F3: variants seen among roughly 807,000 people sequenced by gnomAD.
F3 encodes the protein tissue factor.
In F3, 18 loss-of-function variants were observed where a neutral mutation model predicts 33.5. The ratio of observed to expected loss-of-function variants is 0.54; its 90% CI spans 0.37 to 0.80. F3 has a LOEUF of 0.80. Among genes scored for constraint, F3 ranks in the 30% least tolerant of loss-of-function variants. The pLI is 0.00. For synonymous variants in F3, 147 were observed against 140.7 expected (o/e 1.05, Z -0.32); for missense variants, 353 against 362.1 (o/e 0.97, Z 0.20).
At chr1:94,533,055 A>T in intron 4 of F3, 35 bp downstream of exon 4, 2 of 1,596,774 alleles carry the variant, frequency 1.3e-6, no homozygotes, top group Non-Finnish European at 1.7e-6. Context: ...TCACAATTTA[A>T]AACAGGTCAT....
chr1:94,540,630 G>A, intron 1 of F3: 1 of 386,452 alleles, frequency 2.6e-6, no homozygotes, highest in Non-Finnish European at 4.7e-6. Context: ...TTATTCATGG[G>A]CAAAGCCTTG....
Position 94,532,302 on chromosome 1 carries a change from G to C in F3, c.751+19C>G. The C allele has an allele frequency of 1.2e-6, 2 of 1,612,424 alleles. No homozygotes were observed. The highest frequency in any genetic ancestry group is 1.7e-6 in the Non-Finnish European group (2 of 1,179,186). ...ACAGCACCCATACCCCCAGGCAAAT[G>C]GCTGGCAGAGCCACTCACCTCTGAA... On this transcript the variant is annotated intron_variant, in intron 5 of 5. Coordinates refer to ENST00000334047, the MANE Select transcript of F3 (RefSeq NM_001993.5).
At position 94,540,294 on chromosome 1, in the gene F3, G is replaced by C; in HGVS notation, c.175C>G (p.Pro59Ala). Reference protein sequence around the residue: ...TNFKTILEWEPKPVNQVYTVQ... With the variant: ...TNFKTILEWEAKPVNQVYTVQ... ...GTGTAGACTTGATTGACGGGTTTGG[G>C]TTCCCACTCCAAAATTGTCTTGAAA... The change falls in exon 2 of 6, where the codon CCC (proline) becomes GCC (alanine). Residue 59 changes from proline to alanine, a missense_variant. Transcript: ENST00000334047. 6.2e-7 allele frequency: 1 copy of C among 1,613,758 alleles called. No individual in the cohort carries two copies. The highest frequency in any genetic ancestry group is 8.5e-7 in the Non-Finnish European group (1 of 1,179,782).
chr1:94,534,671 G>A (rs1349910805), intron 3 of F3, among the ~76,000 whole-genome samples: 1 of 152,090 alleles, frequency 6.6e-6, no homozygotes, highest in South Asian at 2.1e-4. Context: ...CGAGAAGCCG[G>A]ATTTAACCAC....
intron 2 of F3, 48 bp from the exon 3 acceptor site, chr1:94,536,212 G>T: frequency 6.4e-7 from 1 of 1,566,506 alleles, no homozygotes; most frequent in East Asian, 2.2e-5. Flanking sequence ...GTTACAATTT[G>T]CACCCAACAA....
chr1:94,541,628 G>T lies in F3; in HGVS notation c.9C>A (p.Thr3=), dbSNP rs770676494. ME[T]PAWPRVPRPE... ...GGCGCGGGACCCGGGGCCAGGCAGG[G>T]GTCTCCATGTCTACCAGTTGGCGGC... is the stretch of plus-strand genomic sequence containing the variant. The change falls in exon 1 of 6, where the codon ACC becomes ACA. Residue 3 remains threonine, a synonymous_variant. Transcript: ENST00000334047. 171 of 1,424,920 alleles carry T rather than the reference G, an allele frequency of 1.2e-4. No homozygotes were observed. The highest frequency in any genetic ancestry group is 1.5e-4 in the Non-Finnish European group (161 of 1,085,150). The allele number at this position is 1,424,920 out of a possible 1,614,324, so 88.3% of individuals were successfully genotyped here.
chr1:94,536,291 C>T, intron 2 of F3, 127 bp from the exon 3 acceptor site: 5 of 804,038 alleles, frequency 6.2e-6, no homozygotes, highest in Non-Finnish European at 1.0e-5. Context: ...CCTAATGATG[C>T]AGTCACTGTG....
chr1:94,530,362 T>C lies in F3; in HGVS notation c.*98A>G. The C allele has an allele frequency of 6.7e-7, 1 of 1,496,954 alleles. No homozygotes were observed. Among genetic ancestry groups the C allele is most frequent in the East Asian group, 2.3e-5 (1 of 43,930 alleles). The allele number at this position is 1,496,954 out of a possible 1,614,324, so 92.7% of individuals were successfully genotyped here. A position where few individuals can be genotyped will look rare whatever the true frequency, so the allele number is the denominator to read the frequency against. On this transcript the variant is annotated 3_prime_UTR_variant, in exon 6 of 6. Coordinates refer to ENST00000334047, the MANE Select transcript of F3 (RefSeq NM_001993.5). ...TTTTTGAACTCCAGGGTCTTCATGC[T>C]CCGAAATACTCATTTGCGTTTCCAT...
chr1:94,532,085 C>A (rs1651449085), intron 5 of F3, among the ~76,000 whole-genome samples: 1 of 152,214 alleles, frequency 6.6e-6, no homozygotes, highest in African/African-American at 2.4e-5. Context: ...AAGAAAACAC[C>A]TGCTAATACA....
intron 4 of F3, 195 bp downstream of exon 4, chr1:94,532,895 C>T: frequency 1.6e-6 from 1 of 614,390 alleles, no homozygotes; most frequent in Non-Finnish European, 2.8e-6. Context: ...TGCCCAGAGT[C>T]ACAGGGTAGT....
chr1:94,539,657 G>C (rs1651714811), intron 2 of F3, among the ~76,000 whole-genome samples: 1 of 152,138 alleles, frequency 6.6e-6, no homozygotes, highest in Admixed American at 6.5e-5. Context: ...CTGCCAGTCA[G>C]AGTTGAGGCA....
intron 2 of F3, among the ~76,000 whole-genome samples, chr1:94,537,008 A>C (rs1279996099): frequency 1.3e-5 from 2 of 152,182 alleles, no homozygotes; most frequent in East Asian, 1.9e-4. Context: ...AGAAGGTCAC[A>C]TATCTAACGA....
At chr1:94,535,904 T>C in intron 3 of F3, 61 bp downstream of exon 3, 1 of 1,495,566 alleles carries the variant, frequency 6.7e-7, no homozygotes, top group African/African-American at 1.4e-5. Context: ...AGGCACAAGA[T>C]CACGAGAATG....
At position 94,541,521 on chromosome 1, in the gene F3, G is replaced by T; in HGVS notation, c.100+16C>A. On this transcript the variant is annotated intron_variant, in intron 1 of 5. Transcript: ENST00000334047. ...GTGTGGCGCGCCCCGGGCTTCCAGGGGCTGGTGCCACTCACCTGAAGCGCC... is the reference window on the plus strand; with the variant it reads ...GTGTGGCGCGCCCCGGGCTTCCAGGTGCTGGTGCCACTCACCTGAAGCGCC... 1 of 1,473,596 alleles carries T rather than the reference G, an allele frequency of 6.8e-7. No individual in the cohort carries two copies. Among genetic ancestry groups the T allele is most frequent in the Non-Finnish European group, 9.0e-7 (1 of 1,111,854 alleles). The allele number at this position is 1,473,596 out of a possible 1,614,324, so 91.3% of individuals were successfully genotyped here. A position where few individuals can be genotyped will look rare whatever the true frequency, so the allele number is the denominator to read the frequency against.
intron 3 of F3, 137 bp from the exon 4 acceptor site, chr1:94,533,405 G>T: frequency 9.7e-7 from 1 of 1,034,992 alleles, no homozygotes; most frequent in African/African-American, 1.7e-5. Context: ...GAAAGAAGCA[G>T]GCGTGGCGGC....
chr1:94,536,252 G>A (rs1263207199), intron 2 of F3, 88 bp from the exon 3 acceptor site: 1 of 1,192,800 alleles, frequency 8.4e-7, no homozygotes, highest in Non-Finnish European at 1.2e-6. Context: ...GTGGTGTTCT[G>A]TGCTAACATC....
intron 1 of F3, 48 bp from the exon 2 acceptor site, chr1:94,540,416 T>C (rs746796664): frequency 7.9e-7 from 1 of 1,268,752 alleles, no homozygotes; most frequent in East Asian, 2.3e-5. Context: ...TTCAGAGCAC[T>C]CGAATGTATT....
At position 94,532,231 on chromosome 1, in the gene F3, G is replaced by C. The variant is rs548853673; in HGVS notation, c.751+90C>G. 1.0e-4 allele frequency: 130 copies of C among 1,254,082 alleles called. 1 individual carries two copies. The African/African-American group carries it at 1.7e-3, about 17-fold the overall frequency. The allele number at this position is 1,254,082 out of a possible 1,614,324, so 77.7% of individuals were successfully genotyped here. On this transcript the variant is annotated intron_variant, in intron 5 of 5. Transcript: ENST00000334047. ...TTTTCCTGAATATTTAACCAAGGAA[G>C]TATATCCCAGCCCTGAGGGTGGAGC... is the stretch of plus-strand genomic sequence containing the variant.
intron 5 of F3, among the ~76,000 whole-genome samples, chr1:94,531,260 A>G (rs1486616162): frequency 1.3e-5 from 2 of 151,114 alleles, no homozygotes; most frequent in Non-Finnish European, 2.9e-5. Flanking sequence ...TTCAAATATC[A>G]TCTTCACATG....
Sources: allele counts gnomAD v4.1 joint callset (sites outside exome capture counted in the v4.1 genomes callset), GRCh38; gene constraint gnomAD v4.1.1; transcripts MANE v1.5; gene names NCBI Gene and HGNC (gene_info 2026-07-23, HGNC 2026-07-21).